Variants in PCDH15 observed in about 807,000 individuals in gnomAD.
The protein encoded by PCDH15 is protocadherin-15.
In PCDH15, 129 loss-of-function variants were observed where a neutral mutation model predicts 178.5. That is an observed-to-expected ratio of 0.72 (90% CI 0.63 to 0.84). The LOEUF (loss-of-function observed/expected upper bound fraction) is 0.84. Among genes scored for constraint, PCDH15 ranks in the 40% least tolerant of loss-of-function variants. The pLI is 0.00. For synonymous variants in PCDH15, 800 were observed against 732.0 expected, an observed-to-expected ratio of 1.09 and a Z score of -1.50; for missense variants, 2,230 against 2,099.9, an observed-to-expected ratio of 1.06 and a Z score of -1.21.
chr10:54,139,334 A>C (rs1305048555), intron 14 of PCDH15, among the ~76,000 whole-genome samples: 1 of 152,160 alleles, frequency 6.6e-6, no homozygotes, highest in Non-Finnish European at 1.5e-5. Context: ...GAAAAAGCTA[A>C]CTTTAAATGA....
chr10:55,209,113 A>G (rs1438691922), intron 1 of PCDH15, among the ~76,000 whole-genome samples: 1 of 152,096 alleles, frequency 6.6e-6, no homozygotes, highest in Non-Finnish European at 1.5e-5. Context: ...AAAAGCGTCA[A>G]GTGAGAAGAC....
chr10:55,126,966 C>G (rs1487141414), intron 2 of PCDH15, among the ~76,000 whole-genome samples: 2 of 151,942 alleles, frequency 1.3e-5, no homozygotes, highest in Non-Finnish European at 2.9e-5. Context: ...ACCAGAAACC[C>G]TAATATTGTT....
chr10:54,469,675 A>G (rs1166873089), intron 3 of PCDH15, among the ~76,000 whole-genome samples: 1 of 152,156 alleles, frequency 6.6e-6, no homozygotes, highest in African/African-American at 2.4e-5. Flanking sequence ...AAGCAGGTCT[A>G]TGCAATTCTG....
intron 8 of PCDH15, among the ~76,000 whole-genome samples, chr10:54,302,884 C>T (rs4411207): frequency 0.73 from 111,553 of 152,018 alleles, 41,889 homozygotes; most frequent in Middle Eastern, 0.82. Flanking sequence ...CATGATGTGA[C>T]TATTAGGCTT....
intron 2 of PCDH15, among the ~76,000 whole-genome samples, chr10:55,339,095 G>C (rs572093118): frequency 1.3e-5 from 2 of 152,212 alleles, no homozygotes; most frequent in East Asian, 3.9e-4. Context: ...TGTGATCATA[G>C]TTAACAAGAA....
chr10:54,965,358 A>G (rs1178508379), intron 2 of PCDH15, among the ~76,000 whole-genome samples: 1 of 152,060 alleles, frequency 6.6e-6, no homozygotes, highest in Non-Finnish European at 1.5e-5. Flanking sequence ...TTCTCATGAC[A>G]GTGAATAAGT....
intron 2 of PCDH15, among the ~76,000 whole-genome samples, chr10:55,365,863 T>C (rs752457080): frequency 6.6e-6 from 1 of 152,090 alleles, no homozygotes; most frequent in Non-Finnish European, 1.5e-5. Context: ...ATACACTAGA[T>C]GATAGATTCA....
chr10:55,600,048 T>C, intron 2 of PCDH15: 1 of 1,060,498 alleles, frequency 9.4e-7, no homozygotes, highest in Non-Finnish European at 1.3e-6. Flanking sequence ...CAGGCCCCAA[T>C]GTATCATCCC....
intron 2 of PCDH15, among the ~76,000 whole-genome samples, chr10:54,979,632 G>A (rs1405328795): frequency 7.1e-6 from 1 of 141,400 alleles, no homozygotes; most frequent in East Asian, 2.2e-4. Context: ...TTGTGCCACT[G>A]TACTCCAGCC....
intron 16 of PCDH15, among the ~76,000 whole-genome samples, chr10:54,087,108 A>G (rs2094527582): frequency 6.6e-6 from 1 of 152,214 alleles, no homozygotes; most frequent in African/African-American, 2.4e-5. Flanking sequence ...TGCTTACCAG[A>G]GCAGGTGAAA....
intron 14 of PCDH15, among the ~76,000 whole-genome samples, chr10:54,149,112 T>C (rs888227377): frequency 3.0e-4 from 45 of 152,058 alleles, no homozygotes; most frequent in Non-Finnish European, 4.4e-5. Context: ...GTCACATACT[T>C]CTTTTTCATT....
chr10:54,849,853 A>G (rs1953583974), intron 3 of PCDH15, among the ~76,000 whole-genome samples: 1 of 152,138 alleles, frequency 6.6e-6, no homozygotes, highest in Non-Finnish European at 1.5e-5. Flanking sequence ...AATATTTACA[A>G]TGTGGTTGAA....
intron 5 of PCDH15, among the ~76,000 whole-genome samples, chr10:54,353,039 G>C (rs1398298937): frequency 6.6e-6 from 1 of 152,108 alleles, no homozygotes; most frequent in Non-Finnish European, 1.5e-5. Flanking sequence ...GCAGTCATCA[G>C]TGGAATATTA....
At chr10:54,561,201 A>C in intron 2 of PCDH15, among the ~76,000 whole-genome samples, 1 of 152,282 alleles carries the variant, frequency 6.6e-6, no homozygotes, top group East Asian at 1.9e-4. Context: ...TTATTTTCAT[A>C]ATATTTGATG....
At chr10:55,027,847 A>T (rs1009077503) in intron 2 of PCDH15, among the ~76,000 whole-genome samples, 1 of 151,860 alleles carries the variant, frequency 6.6e-6, no homozygotes, top group African/African-American at 2.4e-5. Context: ...TTATATTTTA[A>T]TATTTTTCAA....
chr10:54,474,610 G>A (rs1189978238), intron 3 of PCDH15, among the ~76,000 whole-genome samples: 1 of 151,954 alleles, frequency 6.6e-6, no homozygotes, highest in African/African-American at 2.4e-5. Flanking sequence ...GTGTAGTAAG[G>A]AAGAACAGTC....
At chr10:55,313,282 C>G (rs1021820417) in intron 1 of PCDH15, among the ~76,000 whole-genome samples, 1 of 152,130 alleles carries the variant, frequency 6.6e-6, no homozygotes, top group South Asian at 2.1e-4. Flanking sequence ...AAAACAAATC[C>G]TCTTCAGTAC....
chr10:54,506,326 T>C (rs1161630935), intron 3 of PCDH15, among the ~76,000 whole-genome samples: 2 of 152,030 alleles, frequency 1.3e-5, no homozygotes, highest in Non-Finnish European at 1.5e-5. Context: ...AGGTGGATAA[T>C]TCAAAAGTAC....
chr10:54,491,559 T>G (rs934750455), intron 3 of PCDH15, among the ~76,000 whole-genome samples: 1 of 152,116 alleles, frequency 6.6e-6, no homozygotes, highest in Admixed American at 6.6e-5. Flanking sequence ...GAAGAGAAAT[T>G]TAACTTATTC....
Sources: allele counts gnomAD v4.1 joint callset (sites outside exome capture counted in the v4.1 genomes callset), GRCh38; gene constraint gnomAD v4.1.1; transcripts MANE v1.5; gene names NCBI Gene and HGNC (gene_info 2026-07-23, HGNC 2026-07-21).